CREB5: variants seen among roughly 807,000 people sequenced by gnomAD.
CREB5 encodes cAMP responsive element binding protein 5.
Under a neutral mutation model 57.1 loss-of-function variants are expected in CREB5, and 19 were observed. The observed-to-expected ratio is 0.33, with a 90% CI of 0.23 to 0.49. The LOEUF is 0.49. Ranked by LOEUF, CREB5 falls within the 20% of genes least tolerant of loss-of-function variation. The pLI is 0.99. For synonymous variants in CREB5, 238 were observed against 238.3 expected, an observed-to-expected ratio of 1.00 and a Z score of 0.01; for missense variants, 579 against 671.6, an observed-to-expected ratio of 0.86 and a Z score of 1.52.
At chr7:28,500,834 A>G (rs1415335559) in intron 3 of CREB5, among the ~76,000 whole-genome samples, 9 of 152,152 alleles carry the variant, frequency 5.9e-5, no homozygotes, top group Admixed American at 3.9e-4. Flanking sequence ...TCACACGCAC[A>G]CACACACGTG....
At chr7:28,702,453 A>G (rs567421365) in intron 5 of CREB5, among the ~76,000 whole-genome samples, 79 of 152,360 alleles carry the variant, frequency 5.2e-4, no homozygotes, top group African/African-American at 1.9e-3. Flanking sequence ...TCTATTACCA[A>G]TATCATGAGG....
At chr7:28,706,779 C>T (rs1287761910) in intron 5 of CREB5, among the ~76,000 whole-genome samples, 6 of 152,158 alleles carry the variant, frequency 3.9e-5, no homozygotes, top group Non-Finnish European at 7.3e-5. Context: ...CTAGAAACTT[C>T]ACCCTTCCCC....
chr7:28,711,247 C>T (rs1802385961), intron 5 of CREB5, among the ~76,000 whole-genome samples: 1 of 152,180 alleles, frequency 6.6e-6, no homozygotes, highest in Non-Finnish European at 1.5e-5. Context: ...AGGCAAAATT[C>T]TCTTCCTGCA....
At chr7:28,399,276 AT>A (rs1787398363) in intron 1 of CREB5, among the ~76,000 whole-genome samples, 1 of 111,480 alleles carries the variant, frequency 9.0e-6, no homozygotes, top group Non-Finnish European at 1.7e-5. Flanking sequence ...AAAAAGACAA[AT>A]TGGAAAAAAA....
intron 5 of CREB5, among the ~76,000 whole-genome samples, chr7:28,593,659 GC>G (rs1467382999): frequency 3.3e-5 from 5 of 152,204 alleles, no homozygotes; most frequent in Non-Finnish European, 7.3e-5. Flanking sequence ...TGGTGAATGA[GC>G]TTTGCATTTA....
intron 1 of CREB5, among the ~76,000 whole-genome samples, chr7:28,447,344 G>T (rs1789533712): frequency 6.6e-6 from 1 of 152,222 alleles, no homozygotes; most frequent in Admixed American, 6.5e-5. Flanking sequence ...CTGATCCCAA[G>T]AAATGAAGAT....
At chr7:28,586,236 G>C (rs1034035063) in intron 5 of CREB5, among the ~76,000 whole-genome samples, 1 of 152,148 alleles carries the variant, frequency 6.6e-6, no homozygotes, top group Non-Finnish European at 1.5e-5. Context: ...CCAAACCCAT[G>C]TTTCTCTAGA....
chr7:28,673,658 T>C (rs1410918409), intron 5 of CREB5, among the ~76,000 whole-genome samples: 2 of 3,502 alleles, frequency 5.7e-4, no homozygotes, highest in Non-Finnish European at 1.3e-3. Context: ...TCTCTCTCTC[T>C]TTTTTTTTTT....
intron 5 of CREB5, among the ~76,000 whole-genome samples, chr7:28,578,724 A>G (rs1338387258): frequency 6.6e-6 from 1 of 152,214 alleles, no homozygotes; most frequent in African/African-American, 2.4e-5. Flanking sequence ...TGCATGTATG[A>G]TATATTCATG....
chr7:28,561,011 T>TGCGTGCGTGTGTGTGCGTGC lies in CREB5; in HGVS notation c.292-9353_292-9352insCGTGCGTGTGTGTGCGTGCG, dbSNP rs1280116550. On this transcript the variant is annotated intron_variant, in intron 4 of 10. Transcript: ENST00000357727. ...GTGTGTGTGCCTGCGTGTGCGTGTG[T>TGCGTGCGTGTGTGTGCGTGC]GTGTGCGTGTGTGCGTGTGTGTGTG... is the stretch of plus-strand genomic sequence containing the variant. Among the ~76,000 whole-genome samples the TGCGTGCGTGTGTGTGCGTGC allele has an allele frequency of 2.1e-3, 100 of 48,048 alleles. 10 individuals carry two copies. Among genetic ancestry groups the TGCGTGCGTGTGTGTGCGTGC allele is most frequent in the African/African-American group, 9.7e-3 (93 of 9,550 alleles). The allele number at this position is 48,048 out of a possible 152,430, so 31.5% of individuals were successfully genotyped here.
At chr7:28,623,286 T>G (rs1412457571) in intron 5 of CREB5, among the ~76,000 whole-genome samples, 1 of 152,224 alleles carries the variant, frequency 6.6e-6, no homozygotes, top group Non-Finnish European at 1.5e-5. Flanking sequence ...CATGCACACA[T>G]AGATGTACCA....
At chr7:28,321,887 G>A (rs1785501193) in intron 1 of CREB5, among the ~76,000 whole-genome samples, 1 of 152,214 alleles carries the variant, frequency 6.6e-6, no homozygotes, top group Non-Finnish European at 1.5e-5. Context: ...CATGAAGTTG[G>A]CACTGACAGT....
intron 4 of CREB5, among the ~76,000 whole-genome samples, chr7:28,564,885 A>G (rs1318095492): frequency 1.3e-5 from 2 of 152,208 alleles, no homozygotes; most frequent in Non-Finnish European, 2.9e-5. Flanking sequence ...CAGAGTCTAA[A>G]AAGTCTGTTT....
chr7:28,757,077 T>C (rs1411117606), intron 7 of CREB5, among the ~76,000 whole-genome samples: 1 of 152,180 alleles, frequency 6.6e-6, no homozygotes, highest in Non-Finnish European at 1.5e-5. Flanking sequence ...CTCACCCTAA[T>C]TTTTTTAGCG....
intron 5 of CREB5, among the ~76,000 whole-genome samples, chr7:28,658,953 G>GTGTGTGTGTATATATATATATATA (rs1400561698): frequency 1.0e-5 from 1 of 99,584 alleles, no homozygotes; most frequent in African/African-American, 3.3e-5. Flanking sequence ...GTGTGTGTGT[G>GTGTGTGTGTATATATATATATATA]TATATATATA....
chr7:28,801,070 T>C (rs1808335256), intron 7 of CREB5, among the ~76,000 whole-genome samples: 1 of 152,232 alleles, frequency 6.6e-6, no homozygotes, highest in African/African-American at 2.4e-5. Context: ...TGTTAGCCAT[T>C]ATTATTACCT....
At chr7:28,482,713 C>T (rs1460021694) in intron 1 of CREB5, among the ~76,000 whole-genome samples, 1 of 152,118 alleles carries the variant, frequency 6.6e-6, no homozygotes, top group Non-Finnish European at 1.5e-5. Flanking sequence ...AAATTCAAGC[C>T]CCCCTTTCAG....
intron 5 of CREB5, among the ~76,000 whole-genome samples, chr7:28,612,541 GGGGT>G (rs1339747510): frequency 7.6e-5 from 9 of 118,750 alleles, no homozygotes; most frequent in African/African-American, 2.3e-4. Context: ...ATTTAGAGAA[GGGGT>G]GTGTGTGTGT....
chr7:28,670,574 T>G (rs987317678), intron 5 of CREB5, among the ~76,000 whole-genome samples: 1 of 152,210 alleles, frequency 6.6e-6, no homozygotes, highest in Non-Finnish European at 1.5e-5. Context: ...TATAAACATA[T>G]TTCATCTATG....
Sources: allele counts gnomAD v4.1 joint callset (sites outside exome capture counted in the v4.1 genomes callset), GRCh38; gene constraint gnomAD v4.1.1; transcripts MANE v1.5; gene names NCBI Gene and HGNC (gene_info 2026-07-23, HGNC 2026-07-21).